Variants in RPH3A observed in about 807,000 individuals in gnomAD.
The protein encoded by RPH3A is rabphilin-3A.
A neutral mutation model predicts 102.2 loss-of-function variants in RPH3A; 48 were observed. That is an observed-to-expected ratio of 0.47 (90% CI 0.37 to 0.60). RPH3A has a LOEUF of 0.60. RPH3A is among the 20% of genes least tolerant of loss of function. The probability of loss-of-function intolerance (pLI) is 0.00; values close to 1 mark genes in which losing one functional copy is unlikely to be tolerated. For synonymous variants in RPH3A, 310 were observed against 324.3 expected (o/e 0.96, Z 0.47); for missense variants, 781 against 910.1 (o/e 0.86, Z 1.83).
intron 1 of RPH3A, among the ~76,000 whole-genome samples, chr12:112,652,351 C>T (rs2039980311): frequency 6.6e-6 from 1 of 152,156 alleles, no homozygotes; most frequent in Non-Finnish European, 1.5e-5. Context: ...GTAGCGCTTA[C>T]CTGTAGTCCC....
At chr12:112,634,254 A>G (rs60043012) in intron 1 of RPH3A, among the ~76,000 whole-genome samples, 1,872 of 20,008 alleles carry the variant, frequency 0.094, 240 homozygotes, top group African/African-American at 0.14. Context: ...AGGCTGAGGC[A>G]GGAGAATGGC....
At chr12:112,812,555 T>C (rs2041596627) in intron 2 of RPH3A, among the ~76,000 whole-genome samples, 2 of 152,340 alleles carry the variant, frequency 1.3e-5, no homozygotes, top group East Asian at 3.9e-4. Flanking sequence ...CATCATTCTA[T>C]GCCATCTTGA....
chr12:112,657,156 TCA>T (rs923620346), intron 1 of RPH3A, among the ~76,000 whole-genome samples: 33 of 152,196 alleles, frequency 2.2e-4, no homozygotes, highest in African/African-American at 7.5e-4. Flanking sequence ...AGATGGGATC[TCA>T]TTGTAGTTTT....
At chr12:112,847,619 C>T (rs1593076601) in intron 4 of RPH3A, 77 bp from the exon 5 acceptor site, 33 of 1,503,116 alleles carry the variant, frequency 2.2e-5, no homozygotes, top group Non-Finnish European at 2.9e-5. Context: ...CACAGTTTCC[C>T]AGACAGTGAG....
intron 1 of RPH3A, among the ~76,000 whole-genome samples, chr12:112,711,182 C>G (rs1162962208): frequency 4.6e-5 from 7 of 152,156 alleles, no homozygotes; most frequent in Admixed American, 3.9e-4. Context: ...TAAATACTTA[C>G]AGTTCTTAGG....
At chr12:112,875,218 G>C (rs1182865222) in intron 11 of RPH3A, 48 bp downstream of exon 11, 9 of 1,445,074 alleles carry the variant, frequency 6.2e-6, no homozygotes, top group Non-Finnish European at 8.5e-6. Flanking sequence ...TCACTCGGCT[G>C]TGACCCTCAT....
chr12:112,645,934 A>T (rs2039926782), intron 1 of RPH3A, among the ~76,000 whole-genome samples: 1 of 152,154 alleles, frequency 6.6e-6, no homozygotes, highest in South Asian at 2.1e-4. Flanking sequence ...CAGCTCTGAC[A>T]CTAGCTATGG....
chr12:112,859,494 G>A (rs1020785827), intron 5 of RPH3A, among the ~76,000 whole-genome samples: 3 of 152,200 alleles, frequency 2.0e-5, no homozygotes, highest in Non-Finnish European at 4.4e-5. Context: ...TCACTGCCTG[G>A]TGATTATCGC....
chr12:112,883,356 G>C lies in RPH3A; in HGVS notation c.1390G>C (p.Val464Leu). ...TRNPIWNETL[V>L]YHGITDEDMQ... The stretch of plus-strand genomic sequence containing the variant: ...GAACCCCATCTGGAATGAGACCCTC[G>C]TGTATCACGGCATCACCGATGAGGA... The change falls in exon 16 of 22, where the codon GTG (valine) becomes CTG (leucine). Residue 464 changes from valine (V) to leucine (L), a missense_variant. By Grantham distance (32) the Val-to-Leu change is conservative. Coordinates refer to ENST00000389385, the MANE Select transcript of RPH3A (RefSeq NM_001143854.2). 6.2e-7 allele frequency: 1 copy of C among 1,614,128 alleles called. No homozygotes were observed. The highest frequency in any genetic ancestry group is 1.1e-5 in the South Asian group (1 of 91,060).
At chr12:112,861,601 C>T (rs2042514093) in intron 5 of RPH3A, among the ~76,000 whole-genome samples, 1 of 152,210 alleles carries the variant, frequency 6.6e-6, no homozygotes, top group Non-Finnish European at 1.5e-5. Flanking sequence ...CCAGCTTTCA[C>T]CACTTCTTAG....
chr12:112,679,399 T>G (rs961498645), intron 1 of RPH3A, among the ~76,000 whole-genome samples: 1 of 151,980 alleles, frequency 6.6e-6, no homozygotes, highest in Non-Finnish European at 1.5e-5. Context: ...ATGATCCTCC[T>G]GCCTCAGCCT....
chr12:112,712,951 CTTCTTCTTCTTCT>C (rs2040479580), intron 1 of RPH3A, among the ~76,000 whole-genome samples: 1 of 110,888 alleles, frequency 9.0e-6, no homozygotes, highest in African/African-American at 3.1e-5. Context: ...TCTTCTTCTT[CTTCTTCTTCTTCT>C]TTCTTCTTCT....
At chr12:112,890,711 A>C in intron 18 of RPH3A, 138 bp from the exon 19 acceptor site, 4 of 900,256 alleles carry the variant, frequency 4.4e-6, no homozygotes, top group Non-Finnish European at 6.7e-6. Flanking sequence ...AGGCTAAGCC[A>C]TCTGCTGTCC....
chr12:112,841,494 A>G (rs2042143670), intron 4 of RPH3A, among the ~76,000 whole-genome samples: 1 of 152,134 alleles, frequency 6.6e-6, no homozygotes, highest in Admixed American at 6.5e-5. Context: ...ACCTTGGTAC[A>G]CTCGAGAGGA....
At chr12:112,586,035 T>C (rs1341448035) in intron 1 of RPH3A, among the ~76,000 whole-genome samples, 1 of 152,138 alleles carries the variant, frequency 6.6e-6, no homozygotes, top group East Asian at 1.9e-4. Context: ...TCCATATGAT[T>C]ACTTTTCATA....
chr12:112,749,326 G>A (rs1431345615), intron 1 of RPH3A, among the ~76,000 whole-genome samples: 1 of 152,170 alleles, frequency 6.6e-6, no homozygotes, highest in African/African-American at 2.4e-5. Context: ...GATGAGCTCT[G>A]AACCAGGAGT....
At chr12:112,642,118 G>C (rs1366530261) in intron 1 of RPH3A, among the ~76,000 whole-genome samples, 1 of 152,096 alleles carries the variant, frequency 6.6e-6, no homozygotes, top group Non-Finnish European at 1.5e-5. Flanking sequence ...TGTTCTCAAG[G>C]ATCTCACCTT....
At chr12:112,861,354 C>T (rs1304618108) in intron 5 of RPH3A, among the ~76,000 whole-genome samples, 1 of 152,158 alleles carries the variant, frequency 6.6e-6, no homozygotes, top group Non-Finnish European at 1.5e-5. Flanking sequence ...GTCCCAACCT[C>T]GGGCAGTGAG....
intron 1 of RPH3A, among the ~76,000 whole-genome samples, chr12:112,601,036 C>T (rs2039555011): frequency 6.6e-6 from 1 of 152,146 alleles, no homozygotes; most frequent in Non-Finnish European, 1.5e-5. Flanking sequence ...ACGAGAACAA[C>T]ATGGGGGGAA....
Sources: allele counts gnomAD v4.1 joint callset (sites outside exome capture counted in the v4.1 genomes callset), GRCh38; gene constraint gnomAD v4.1.1; transcripts MANE v1.5; gene names NCBI Gene and HGNC (gene_info 2026-07-23, HGNC 2026-07-21).